Variants in TLE4 observed in about 807,000 individuals in gnomAD.
TLE4 encodes TLE family member 4, transcriptional corepressor, also known as transducin-like enhancer protein 4.
TLE4 carries 8 observed loss-of-function variants against 92.8 expected under a neutral mutation model. The observed-to-expected ratio is 0.09, with a 90% CI of 0.05 to 0.16. The LOEUF is 0.16. Among genes scored for constraint, TLE4 ranks in the 10% least tolerant of loss-of-function variants. TLE4 has a pLI of 1.00. For missense variants in TLE4, 675 were observed against 997.6 expected (o/e 0.68, Z 4.36); for synonymous variants, 371 against 374.1 (o/e 0.99, Z 0.10).
chr9:79,613,958 C>T (rs1385603383), intron 5 of TLE4, among the ~76,000 whole-genome samples: 1 of 152,036 alleles, frequency 6.6e-6, no homozygotes, highest in Admixed American at 6.6e-5. Flanking sequence ...GTTGTCTTTT[C>T]TCCTCCTTTA....
intron 6 of TLE4, among the ~76,000 whole-genome samples, chr9:79,629,080 TAGG>T (rs2053506320): frequency 6.6e-6 from 1 of 152,174 alleles, no homozygotes; most frequent in Non-Finnish European, 1.5e-5. Flanking sequence ...TGATCCCTGA[TAGG>T]AGAGGTTGCT....
At chr9:79,629,957 A>G (rs1159358727) in intron 6 of TLE4, among the ~76,000 whole-genome samples, 1 of 152,172 alleles carries the variant, frequency 6.6e-6, no homozygotes, top group Non-Finnish European at 1.5e-5. Flanking sequence ...ACACGCTACC[A>G]AAAACAACTA....
chr9:79,625,477 A>C (rs2052368636), intron 5 of TLE4, among the ~76,000 whole-genome samples: 1 of 152,114 alleles, frequency 6.6e-6, no homozygotes, highest in Non-Finnish European at 1.5e-5. Flanking sequence ...TGTATTCTGT[A>C]TGTCCTTCCG....
intron 8 of TLE4, among the ~76,000 whole-genome samples, chr9:79,689,489 A>G (rs1348963589): frequency 6.6e-6 from 1 of 152,052 alleles, no homozygotes; most frequent in Non-Finnish European, 1.5e-5. Context: ...CTTTATTGAG[A>G]TTATTGTTTT....
chr9:79,636,138 A>G (rs1031892889), intron 6 of TLE4, among the ~76,000 whole-genome samples: 6 of 152,046 alleles, frequency 3.9e-5, no homozygotes, highest in South Asian at 2.1e-4. Flanking sequence ...AATAGGATCT[A>G]TTGGTCCTCT....
intron 14 of TLE4, 143 bp from the exon 15 acceptor site, chr9:79,718,578 TC>T: frequency 7.9e-7 from 1 of 1,263,168 alleles, no homozygotes; most frequent in Non-Finnish European, 1.1e-6. Context: ...GAAATTATGT[TC>T]TTTACACTGT....
intron 4 of TLE4, chr9:79,576,750 G>A (rs1336053952): frequency 1.3e-5 from 2 of 151,754 alleles, no homozygotes; most frequent in Non-Finnish European, 2.9e-5. Flanking sequence ...GAGCCTGATA[G>A]GAGGATGTGA....
intron 8 of TLE4, among the ~76,000 whole-genome samples, chr9:79,699,791 A>G (rs779252895): frequency 2.0e-5 from 3 of 152,226 alleles, no homozygotes; most frequent in Non-Finnish European, 4.4e-5. Context: ...ATCAAATTAG[A>G]AAGTCCATTG....
intron 3 of TLE4, 61 bp downstream of exon 3, chr9:79,574,997 T>C (rs2037268286): frequency 6.9e-7 from 1 of 1,451,086 alleles, no homozygotes; most frequent in East Asian, 2.3e-5. Context: ...AAAACAAGAA[T>C]ATGTTTAAAT....
At chr9:79,719,025 G>T in intron 15 of TLE4, 54 bp downstream of exon 15, 1 of 1,563,546 alleles carries the variant, frequency 6.4e-7, no homozygotes, top group South Asian at 1.2e-5. Flanking sequence ...AACAGGAGGG[G>T]CTGATGAGAG....
chr9:79,609,433 T>G (rs947369551), intron 4 of TLE4, among the ~76,000 whole-genome samples: 1 of 152,044 alleles, frequency 6.6e-6, no homozygotes, highest in Non-Finnish European at 1.5e-5. Context: ...TATTTTTTTG[T>G]TGGAGAATGG....
At chr9:79,671,973 T>C (rs1002949606) in intron 8 of TLE4, among the ~76,000 whole-genome samples, 2 of 150,998 alleles carry the variant, frequency 1.3e-5, no homozygotes, top group Admixed American at 6.6e-5. Context: ...GCCTATGCTT[T>C]TTAGGCCATT....
chr9:79,705,846 T>G (rs1417047885), intron 9 of TLE4, 43 bp from the exon 10 acceptor site: 1 of 1,604,984 alleles, frequency 6.2e-7, no homozygotes, highest in South Asian at 1.1e-5. Context: ...ATGTGGTATG[T>G]TTTGTGAGGG....
chr9:79,615,614 C>T (rs1050455211), intron 5 of TLE4, among the ~76,000 whole-genome samples: 3 of 151,150 alleles, frequency 2.0e-5, no homozygotes, highest in South Asian at 2.1e-4. Flanking sequence ...ATATTGCTTG[C>T]GTCTGGTTTA....
rs114380030 is a variant in TLE4, at chr9:79,621,664, C to T, written c.316-5710C>T. On this transcript the variant is annotated intron_variant, in intron 5 of 19. Coordinates refer to ENST00000376552, the MANE Select transcript of TLE4 (RefSeq NM_007005.6). Reference sequence around the variant, plus strand: ...TGGGCTGTGGTTGGTACTGTAGTTCCGCCATCCCAATCTGCTCAGCCCCGG... The same window carrying T: ...TGGGCTGTGGTTGGTACTGTAGTTCTGCCATCCCAATCTGCTCAGCCCCGG... 2.8e-3 allele frequency among the ~76,000 whole-genome samples: 420 copies of T among 152,150 alleles called. 2 individuals are homozygous for T. Among genetic ancestry groups the T allele is most frequent in the African/African-American group, 9.5e-3 (394 of 41,506 alleles).
chr9:79,584,531 A>G (rs1361328298), intron 4 of TLE4, among the ~76,000 whole-genome samples: 1 of 152,186 alleles, frequency 6.6e-6, no homozygotes, highest in African/African-American at 2.4e-5. Flanking sequence ...AGCTCCATGA[A>G]AACAGGAGCT....
intron 6 of TLE4, among the ~76,000 whole-genome samples, chr9:79,651,820 G>A (rs2059046520): frequency 6.6e-6 from 1 of 152,204 alleles, no homozygotes; most frequent in Non-Finnish European, 1.5e-5. Flanking sequence ...ATGCTGTGCA[G>A]TGGTTCTGGG....
At chr9:79,626,841 C>T (rs1037108878) in intron 5 of TLE4, among the ~76,000 whole-genome samples, 1 of 152,130 alleles carries the variant, frequency 6.6e-6, no homozygotes, top group Non-Finnish European at 1.5e-5. Context: ...ATCCCTATCT[C>T]ATGATAGGGG....
At chr9:79,638,876 G>A (rs567397539) in intron 6 of TLE4, among the ~76,000 whole-genome samples, 1 of 152,198 alleles carries the variant, frequency 6.6e-6, no homozygotes, top group African/African-American at 2.4e-5. Flanking sequence ...GATAGATGTC[G>A]AGGCAGGCTT....
Sources: allele counts gnomAD v4.1 joint callset (sites outside exome capture counted in the v4.1 genomes callset), GRCh38; gene constraint gnomAD v4.1.1; transcripts MANE v1.5; gene names NCBI Gene and HGNC (gene_info 2026-07-23, HGNC 2026-07-21).